The following TRIM55 variants were observed in gnomAD, a reference collection of about 807,000 sequenced individuals.
TRIM55 encodes the protein tripartite motif-containing protein 55.
A neutral mutation model predicts 60.9 loss-of-function variants in TRIM55; 50 were observed. The ratio of observed to expected loss-of-function variants is 0.82; its 90% CI spans 0.65 to 1.04. TRIM55 has a LOEUF of 1.04. Ranked by LOEUF, TRIM55 falls within the 50% of genes least tolerant of loss-of-function variation. The pLI, the probability that TRIM55 is intolerant of heterozygous loss-of-function variation, is 0.00. For missense variants in TRIM55, 681 were observed against 666.9 expected (o/e 1.02, Z -0.23); for synonymous variants, 237 against 238.1 (o/e 1.00, Z 0.04).
chr8:66,153,432 A>T (rs950286973), intron 8 of TRIM55, among the ~76,000 whole-genome samples: 14 of 152,238 alleles, frequency 9.2e-5, no homozygotes, highest in Non-Finnish European at 1.9e-4. Flanking sequence ...GTGCAGACTC[A>T]TCAGAGAGGA....
the TRIM55 span, among the ~76,000 whole-genome samples, chr8:66,117,646 C>G: frequency 1.3e-5 from 2 of 148,600 alleles, no homozygotes; most frequent in South Asian, 4.2e-4. Context: ...TAAGGGGTGA[C>G]TTGTGAGAAG....
rs772556072 is a variant in TRIM55, at chr8:66,154,016, T to C, written c.1237-31T>C. Reference sequence around the variant, plus strand: ...CTTCTTCTTCTTCTTTTTTTTTTTCTTTACTTTTGAATTTATCTGTCCTGA... The same window carrying C: ...CTTCTTCTTCTTCTTTTTTTTTTTCCTTACTTTTGAATTTATCTGTCCTGA... On this transcript the variant is annotated intron_variant, in intron 8 of 9. Coordinates refer to ENST00000315962, the MANE Select transcript of TRIM55 (RefSeq NM_184085.2). The C allele has an allele frequency of 1.2e-5, 18 of 1,556,814 alleles. 1 individual carries two copies. The South Asian group carries it at 2.2e-4, about 19-fold the overall frequency.
chr8:66,154,743 G>A (rs1810646821), intron 9 of TRIM55, among the ~76,000 whole-genome samples: 2 of 152,214 alleles, frequency 1.3e-5, no homozygotes, highest in African/African-American at 4.8e-5. Context: ...CTGCTTTTGT[G>A]TCATTCCCAG....
intron 2 of TRIM55, among the ~76,000 whole-genome samples, chr8:66,129,901 A>G (rs931422110): frequency 1.4e-4 from 22 of 152,368 alleles, no homozygotes; most frequent in South Asian, 1.0e-3. Flanking sequence ...TAGTTGCTCC[A>G]TAAATCCCAG....
the TRIM55 span, among the ~76,000 whole-genome samples, chr8:66,116,617 AAAAG>A: frequency 6.7e-5 from 6 of 89,982 alleles, no homozygotes; most frequent in Admixed American, 3.7e-4. Context: ...AAAAAAAAAA[AAAAG>A]AAAGAAAGAA....
chr8:66,121,090 G>A, the TRIM55 span, among the ~76,000 whole-genome samples: 30 of 152,248 alleles, frequency 2.0e-4, no homozygotes, highest in Admixed American at 2.6e-4. Flanking sequence ...GGTTGAAAGA[G>A]GTCAAAAGCC....
chr8:66,149,580 T>G, intron 4 of TRIM55, 65 bp from the exon 5 acceptor site: 1 of 1,257,852 alleles, frequency 8.0e-7, no homozygotes, highest in Admixed American at 1.8e-5. Context: ...CCAGGATAAC[T>G]AGGTGATTTC....
intron 9 of TRIM55, among the ~76,000 whole-genome samples, chr8:66,157,178 T>A (rs1810790458): frequency 6.6e-6 from 1 of 152,156 alleles, no homozygotes; most frequent in East Asian, 1.9e-4. Flanking sequence ...ATGTCATGTA[T>A]GCTGACATCC....
chr8:66,114,647 C>G, the TRIM55 span: 1 of 456,196 alleles, frequency 2.2e-6, no homozygotes, highest in African/African-American at 2.0e-5. Context: ...GAAACGGACG[C>G]TGATTACTTT....
chr8:66,123,920 A>G (rs1340298680), upstream of TRIM55, among the ~76,000 whole-genome samples: 1 of 152,180 alleles, frequency 6.6e-6, no homozygotes, highest in East Asian at 1.9e-4. Context: ...AAATTAGGTT[A>G]TGAACCCCAC....
At chr8:66,169,015 G>A (rs939495229) in intron 9 of TRIM55, among the ~76,000 whole-genome samples, 12 of 152,160 alleles carry the variant, frequency 7.9e-5, no homozygotes, top group African/African-American at 2.7e-4. Flanking sequence ...ATGATGTAGA[G>A]AATGATCATT....
At chr8:66,150,697 C>T (rs1263144548) in intron 7 of TRIM55, among the ~76,000 whole-genome samples, 7 of 150,974 alleles carry the variant, frequency 4.6e-5, no homozygotes, top group African/African-American at 9.8e-5. Flanking sequence ...GATGGACTCT[C>T]ACTCTGTTGC....
At chr8:66,113,489 G>A in the TRIM55 span, 7 of 455,692 alleles carry the variant, frequency 1.5e-5, no homozygotes, top group African/African-American at 1.0e-4. Flanking sequence ...TCCAGCTCCC[G>A]ATGACTTATG....
chr8:66,146,420 G>A (rs1365313272), intron 4 of TRIM55, among the ~76,000 whole-genome samples: 1 of 152,106 alleles, frequency 6.6e-6, no homozygotes, highest in East Asian at 1.9e-4. Flanking sequence ...TGACTTGAGA[G>A]AGTACACTAG....
chr8:66,138,187 A>T (rs557364205), intron 4 of TRIM55, among the ~76,000 whole-genome samples: 7 of 152,168 alleles, frequency 4.6e-5, no homozygotes, highest in Admixed American at 4.6e-4. Flanking sequence ...CTCTCTTGTT[A>T]TCTATTTATT....
chr8:66,148,188 G>T (rs1246905970), intron 4 of TRIM55, among the ~76,000 whole-genome samples: 1 of 152,098 alleles, frequency 6.6e-6, no homozygotes, highest in Non-Finnish European at 1.5e-5. Flanking sequence ...GCTTACCAGG[G>T]ATTGAAAAAC....
intron 4 of TRIM55, among the ~76,000 whole-genome samples, chr8:66,146,854 A>G (rs1309349386): frequency 6.6e-6 from 1 of 152,198 alleles, no homozygotes; most frequent in Non-Finnish European, 1.5e-5. Flanking sequence ...CCACATCTTG[A>G]CATGCTGCAT....
chr8:66,171,215 T>C (rs1041273416), intron 9 of TRIM55, among the ~76,000 whole-genome samples: 1 of 152,164 alleles, frequency 6.6e-6, no homozygotes, highest in African/African-American at 2.4e-5. Context: ...TTAGTTGTTT[T>C]TCCTGATTCT....
chr8:66,171,669 A>T (rs1464493841), intron 9 of TRIM55, among the ~76,000 whole-genome samples: 1 of 152,222 alleles, frequency 6.6e-6, no homozygotes, highest in African/African-American at 2.4e-5. Flanking sequence ...TTTCTGTGAT[A>T]AAGGAGAGAC....
Sources: gnomAD v4.1 joint callset for allele counts (sites outside exome capture counted in the v4.1 genomes callset) on GRCh38, gnomAD v4.1.1 for gene constraint, MANE v1.5 for transcripts, NCBI Gene and HGNC (gene_info 2026-07-23, HGNC 2026-07-21) for gene names.